RAB38: variants seen among roughly 807,000 people sequenced by gnomAD.
The protein encoded by RAB38 is ras-related protein Rab-38.
In RAB38, 15 loss-of-function variants were observed where a neutral mutation model predicts 18.4. The ratio of observed to expected loss-of-function variants is 0.82; its 90% CI spans 0.55 to 1.26. The LOEUF (loss-of-function observed/expected upper bound fraction) is 1.26. RAB38 is among the 50% of genes most tolerant of loss of function. RAB38 has a pLI of 0.00. For missense variants in RAB38, 294 were observed against 267.4 expected, an observed-to-expected ratio of 1.10 and a Z score of -0.69; for synonymous variants, 101 against 104.4, an observed-to-expected ratio of 0.97 and a Z score of 0.20.
chr11:87,897,810 TCTTA>T, the RAB38 span, among the ~76,000 whole-genome samples: 1 of 151,588 alleles, frequency 6.6e-6, no homozygotes, highest in Non-Finnish European at 1.5e-5. Flanking sequence ...AAATAGCTTT[TCTTA>T]CTTTCTGAGA....
the RAB38 span, among the ~76,000 whole-genome samples, chr11:88,004,584 C>G: frequency 6.6e-6 from 1 of 151,130 alleles, no homozygotes. Flanking sequence ...CAAGCATTGT[C>G]GGTACTCACT....
chr11:88,013,980 A>G, the RAB38 span, among the ~76,000 whole-genome samples: 2 of 152,156 alleles, frequency 1.3e-5, no homozygotes, highest in Admixed American at 6.6e-5. Context: ...AAGCAGTCAT[A>G]TTAGAAGTGG....
the RAB38 span, among the ~76,000 whole-genome samples, chr11:87,942,528 C>T: frequency 6.6e-6 from 1 of 152,112 alleles, no homozygotes; most frequent in South Asian, 2.1e-4. Flanking sequence ...CAGCCATTCT[C>T]AACATCAAGA....
chr11:88,128,128 A>T (rs1488891266), intron 2 of RAB38, among the ~76,000 whole-genome samples: 1 of 152,228 alleles, frequency 6.6e-6, no homozygotes, highest in Non-Finnish European at 1.5e-5. Context: ...AGCTTAGGAC[A>T]GGGAATTAGG....
At chr11:87,884,560 A>T in the RAB38 span, among the ~76,000 whole-genome samples, 2 of 151,926 alleles carry the variant, frequency 1.3e-5, no homozygotes, top group Non-Finnish European at 2.9e-5. Context: ...CTTCCTTAGT[A>T]AGCAGGAAAA....
the RAB38 span, among the ~76,000 whole-genome samples, chr11:87,868,843 C>A: frequency 1.3e-5 from 2 of 151,522 alleles, no homozygotes; most frequent in Non-Finnish European, 3.0e-5. Context: ...AGGAGAATTA[C>A]CTCCCACAAG....
chr11:88,052,256 C>T, the RAB38 span, among the ~76,000 whole-genome samples: 2 of 151,656 alleles, frequency 1.3e-5, no homozygotes, highest in Non-Finnish European at 2.9e-5. Context: ...GCCTGAATAA[C>T]AGAAAAAAAA....
intron 1 of RAB38, among the ~76,000 whole-genome samples, chr11:88,170,801 A>G (rs977157519): frequency 2.6e-5 from 4 of 152,242 alleles, no homozygotes; most frequent in Non-Finnish European, 5.9e-5. Flanking sequence ...ATAGCAAAGA[A>G]ACACTCGAAA....
At chr11:88,028,219 A>T in the RAB38 span, among the ~76,000 whole-genome samples, 1 of 152,148 alleles carries the variant, frequency 6.6e-6, no homozygotes, top group Non-Finnish European at 1.5e-5. Flanking sequence ...CACACCAAAA[A>T]CCCATCTGTT....
At chr11:87,880,218 C>G in the RAB38 span, 1 of 151,666 alleles carries the variant, frequency 6.6e-6, no homozygotes, top group African/African-American at 2.4e-5. Flanking sequence ...TTCACCAAAC[C>G]GCTTCATTTT....
chr11:87,865,493 G>A, the RAB38 span, among the ~76,000 whole-genome samples: 1 of 151,354 alleles, frequency 6.6e-6, no homozygotes, highest in East Asian at 2.0e-4. Flanking sequence ...GTGAAGTAAG[G>A]GTGTCTCCCT....
chr11:88,042,708 T>A, the RAB38 span, among the ~76,000 whole-genome samples: 1 of 152,026 alleles, frequency 6.6e-6, no homozygotes, highest in Non-Finnish European at 1.5e-5. Context: ...TCACTAGAGA[T>A]CAAGCCAGAG....
the RAB38 span, among the ~76,000 whole-genome samples, chr11:87,947,938 A>G: frequency 6.6e-6 from 1 of 152,156 alleles, no homozygotes; most frequent in Non-Finnish European, 1.5e-5. Context: ...GAAGAAAGTC[A>G]TTGGTAGCTT....
chr11:87,956,606 T>G, the RAB38 span, among the ~76,000 whole-genome samples: 15 of 152,026 alleles, frequency 9.9e-5, no homozygotes, highest in Non-Finnish European at 2.2e-4. Context: ...GGGAACTAAT[T>G]AATAATTTGT....
At chr11:88,115,718 A>G (rs887858388) in intron 2 of RAB38, 2 of 152,160 alleles carry the variant, frequency 1.3e-5, no homozygotes, top group African/African-American at 4.8e-5. Context: ...CCCTTTCCCC[A>G]GCTATAAAAT....
the RAB38 span, among the ~76,000 whole-genome samples, chr11:87,898,050 A>G: frequency 1.3e-4 from 19 of 151,620 alleles, no homozygotes; most frequent in Middle Eastern, 3.2e-3. Context: ...GATCTATGCT[A>G]TATTTCCCAA....
the RAB38 span, among the ~76,000 whole-genome samples, chr11:88,025,937 T>C: frequency 7.2e-5 from 11 of 152,090 alleles, no homozygotes; most frequent in African/African-American, 2.7e-4. Context: ...TCATAAATCA[T>C]TTCCAAAGGC....
At chr11:87,855,141 G>A in the RAB38 span, among the ~76,000 whole-genome samples, 1 of 152,074 alleles carries the variant, frequency 6.6e-6, no homozygotes, top group East Asian at 1.9e-4. Context: ...TGTGATGAAA[G>A]TTTCCCTCAT....
downstream of RAB38, among the ~76,000 whole-genome samples, chr11:88,112,342 C>A (rs1480045643): frequency 6.6e-6 from 1 of 152,170 alleles, no homozygotes; most frequent in East Asian, 1.9e-4. Flanking sequence ...GCAAGCCTCA[C>A]CTTAAAACTT....
Sources: allele counts gnomAD v4.1 joint callset (sites outside exome capture counted in the v4.1 genomes callset), GRCh38; gene constraint gnomAD v4.1.1; transcripts MANE v1.5; gene names NCBI Gene and HGNC (gene_info 2026-07-23, HGNC 2026-07-21).